The following POTEH variants were observed in gnomAD, a reference collection of about 807,000 sequenced individuals.
POTEH encodes the protein POTE ankyrin domain family member H.
Under a neutral mutation model 41.7 loss-of-function variants are expected in POTEH, and 6 were observed. The observed-to-expected ratio is 0.14, with a 90% CI of 0.08 to 0.28. POTEH has a LOEUF of 0.28. POTEH is among the 10% of genes least tolerant of loss of function. The pLI is 1.00. For missense variants in POTEH, 115 were observed against 533.5 expected (o/e 0.22, Z 7.73); for synonymous variants, 38 against 179.9 (o/e 0.21, Z 6.31).
intron 1 of POTEH, among the ~76,000 whole-genome samples, chr22:15,694,527 A>G (rs1158380374): frequency 8.1e-5 from 7 of 86,704 alleles, no homozygotes; most frequent in South Asian, 5.0e-4. Flanking sequence ...CTTAAAGTTT[A>G]TTGAAAACCA....
At chr22:15,713,734 A>G (rs1434904717) in intron 9 of POTEH, among the ~76,000 whole-genome samples, 2 of 152,404 alleles carry the variant, frequency 1.3e-5, no homozygotes, top group East Asian at 3.9e-4. Context: ...TCCTGATGTC[A>G]GGTGATCTGC....
intron 9 of POTEH, among the ~76,000 whole-genome samples, chr22:15,714,333 T>G (rs1989886229): frequency 1.3e-5 from 2 of 152,234 alleles, no homozygotes; most frequent in Admixed American, 1.3e-4. Flanking sequence ...AATTGTGTCA[T>G]TCCCCTGCCC....
chr22:15,719,529 GACCCC>G (rs1989984287), intron 9 of POTEH, 126 bp from the exon 10 acceptor site: 2 of 704,406 alleles, frequency 2.8e-6, no homozygotes, highest in Non-Finnish European at 4.7e-6. Flanking sequence ...ACAGATGTGA[GACCCC>G]TTTGCCTTGT....
chr22:15,691,803 G>A (rs1460879849), intron 1 of POTEH, among the ~76,000 whole-genome samples: 349 of 148,570 alleles, frequency 2.3e-3, no homozygotes, highest in African/African-American at 8.2e-3. Flanking sequence ...TAGGAATTTA[G>A]CGCTTGATAA....
intron 6 of POTEH, among the ~76,000 whole-genome samples, chr22:15,705,453 T>C (rs1989648230): frequency 6.6e-6 from 1 of 152,164 alleles, no homozygotes; most frequent in African/African-American, 2.4e-5. Flanking sequence ...AGTTTTTTTT[T>C]TCATAAAAGC....
At chr22:15,692,009 A>ATATATATATAAAAC (rs1421248855) in intron 1 of POTEH, among the ~76,000 whole-genome samples, 2 of 128,590 alleles carry the variant, frequency 1.6e-5, no homozygotes, top group African/African-American at 2.7e-5. Context: ...TATATATATA[A>ATATATATATAAAAC]ATTTCTTTTT....
intron 9 of POTEH, among the ~76,000 whole-genome samples, chr22:15,713,459 A>G (rs1989861852): frequency 1.3e-5 from 2 of 151,852 alleles, no homozygotes; most frequent in South Asian, 2.1e-4. Context: ...CCTTTTGGAC[A>G]TTGCTGTTTC....
intron 9 of POTEH, among the ~76,000 whole-genome samples, chr22:15,711,441 C>T (rs1340095385): frequency 1.3e-5 from 2 of 151,206 alleles, no homozygotes; most frequent in African/African-American, 4.9e-5. Flanking sequence ...CTGTTATTCT[C>T]CTCTTTGTGT....
intron 9 of POTEH, among the ~76,000 whole-genome samples, chr22:15,712,664 G>A (rs1171237635): frequency 1.4e-5 from 1 of 70,096 alleles, no homozygotes; most frequent in Non-Finnish European, 2.6e-5. Context: ...TTTTTCCACA[G>A]TGACTTCATA....
intron 6 of POTEH, among the ~76,000 whole-genome samples, chr22:15,705,342 A>C (rs1989642810): frequency 4.8e-5 from 2 of 41,478 alleles, no homozygotes; most frequent in African/African-American, 1.8e-4. Flanking sequence ...TACTCGTTTT[A>C]ATATGTTGGC....
chr22:15,712,846 A>G (rs1412278889), intron 9 of POTEH, among the ~76,000 whole-genome samples: 1 of 146,610 alleles, frequency 6.8e-6, no homozygotes, highest in African/African-American at 2.6e-5. Flanking sequence ...TCTCGTTGAG[A>G]CCTTTAGTAT....
At chr22:15,692,009 A>ATATAAAC (rs1421248855) in intron 1 of POTEH, among the ~76,000 whole-genome samples, 2 of 128,618 alleles carry the variant, frequency 1.6e-5, no homozygotes, top group Non-Finnish European at 1.7e-5. Flanking sequence ...TATATATATA[A>ATATAAAC]ATTTCTTTTT....
chr22:15,690,393 T>A lies in POTEH; in HGVS notation c.316T>A (p.Phe106Ile). 2 of 1,381,554 alleles carry A rather than the reference T, an allele frequency of 1.4e-6. No individual in the cohort carries two copies. The highest frequency in any genetic ancestry group is 1.3e-5 in the South Asian group (1 of 79,978). The allele number at this position is 1,381,554 out of a possible 1,614,324, so 85.6% of individuals were successfully genotyped here. Residue 106 changes from phenylalanine to isoleucine, a missense_variant, in exon 1 of 11, where the codon TTC becomes ATC. By Grantham distance (21) the Phe-to-Ile change is conservative. Transcript: ENST00000343518. The stretch of plus-strand genomic sequence containing the variant: ...GATGGGCAAGTGGTGCTGCCACTGC[T>A]TCCCCTGCTGCAGGGGGAGCGGCAA... ...SKMGKWCCHC[F>I]PCCRGSGKSN...
At position 15,700,337 on chromosome 22, in the gene POTEH, T is replaced by C; in HGVS notation, c.1166+122T>C. 2 of 533,774 alleles carry C rather than the reference T, an allele frequency of 3.7e-6. 1 individual carries two copies. The highest frequency in any genetic ancestry group is 4.9e-6 in the Non-Finnish European group (2 of 406,304). 33.1% of individuals were successfully genotyped at this position (533,774 alleles called of 1,614,324 possible). A position where few individuals can be genotyped will look rare whatever the true frequency, so the allele number is the denominator to read the frequency against. On this transcript the variant is annotated intron_variant, in intron 5 of 10. Coordinates refer to ENST00000343518, the MANE Select transcript of POTEH (RefSeq NM_001136213.1). ...AGTTCAGGTAATTTTCGTGTGGCAG[T>C]GAGCTAGTCCCCTGCATCAGCCAGA...
intron 3 of POTEH, chr22:15,697,620 AG>A: frequency 5.2e-6 from 1 of 191,228 alleles, no homozygotes; most frequent in Non-Finnish European, 9.0e-6. Flanking sequence ...CCAAAGTGCT[AG>A]GATTACAGGT....
At chr22:15,692,753 TAA>T (rs201703359) in intron 1 of POTEH, among the ~76,000 whole-genome samples, 9 of 116,054 alleles carry the variant, frequency 7.8e-5, no homozygotes, top group Admixed American at 9.0e-5. Context: ...AGACCCCATC[TAA>T]AAAAAAAAAA....
chr22:15,706,888 C>A (rs1908009685), intron 6 of POTEH, among the ~76,000 whole-genome samples: 2 of 152,348 alleles, frequency 1.3e-5, no homozygotes, highest in East Asian at 3.9e-4. Context: ...ATGCTGTCAC[C>A]CTTTCCTGCC....
intron 9 of POTEH, among the ~76,000 whole-genome samples, chr22:15,711,368 C>G (rs1040769259): frequency 3.9e-5 from 6 of 151,982 alleles, no homozygotes; most frequent in South Asian, 4.1e-4. Flanking sequence ...GCAAAATACT[C>G]GAATGGTAGT....
intron 1 of POTEH, among the ~76,000 whole-genome samples, chr22:15,691,488 T>C (rs1020217586): frequency 8.6e-6 from 1 of 116,408 alleles, no homozygotes; most frequent in Non-Finnish European, 1.9e-5. Context: ...ATCACGCCAC[T>C]GTAGTAGAGC....
Sources: allele counts gnomAD v4.1 joint callset (sites outside exome capture counted in the v4.1 genomes callset), GRCh38; gene constraint gnomAD v4.1.1; transcripts MANE v1.5; gene names NCBI Gene and HGNC (gene_info 2026-07-23, HGNC 2026-07-21).